Variants in PARP9 observed in about 807,000 individuals in gnomAD.
The protein encoded by PARP9 is poly(ADP-ribose) polymerase family member 9, also known as protein mono-ADP-ribosyltransferase PARP9.
Under a neutral mutation model 68.8 loss-of-function variants are expected in PARP9, and 48 were observed. The observed-to-expected ratio is 0.70, with a 90% confidence interval of 0.55 to 0.89. The LOEUF (loss-of-function observed/expected upper bound fraction) is 0.89, where lower values mean the gene tolerates loss of function less well. PARP9 is among the 40% of genes least tolerant of loss of function. PARP9 has a pLI of 0.00. For synonymous variants in PARP9, 309 were observed against 333.8 expected (o/e 0.93, Z 0.81); for missense variants, 806 against 969.3 (o/e 0.83, Z 2.24).
chr3:122,556,714 A>AC (rs765587259), intron 3 of PARP9, among the ~76,000 whole-genome samples: 130 of 152,292 alleles, frequency 8.5e-4, no homozygotes, highest in Non-Finnish European at 1.7e-3. Flanking sequence ...AAGCACGTGT[A>AC]ACTAGGCAGA....
intron 7 of PARP9, among the ~76,000 whole-genome samples, chr3:122,544,070 C>T (rs2078492259): frequency 6.6e-6 from 1 of 152,172 alleles, no homozygotes; most frequent in African/African-American, 2.4e-5. Flanking sequence ...TCACCTAAAA[C>T]TCCTCTTATG....
intron 7 of PARP9, among the ~76,000 whole-genome samples, chr3:122,544,229 C>G (rs527696352): frequency 6.6e-6 from 1 of 152,292 alleles, no homozygotes; most frequent in South Asian, 2.1e-4. Context: ...CCATCTCATT[C>G]ATGAAGCCAT....
chr3:122,528,771 GATT>G, intron 10 of PARP9, 28 bp from the exon 11 acceptor site: 2 of 1,511,914 alleles, frequency 1.3e-6, no homozygotes, highest in East Asian at 2.3e-5. Context: ...AAAATAAAAA[GATT>G]ATTATAATCT....
chr3:122,543,859 C>T (rs1045195107), intron 7 of PARP9, among the ~76,000 whole-genome samples: 3 of 152,162 alleles, frequency 2.0e-5, no homozygotes, highest in South Asian at 4.1e-4. Flanking sequence ...GATCCACCTG[C>T]CCTGGCCTCC....
At chr3:122,560,209 GTA>G (rs900846213) in intron 1 of PARP9, among the ~76,000 whole-genome samples, 2 of 152,130 alleles carry the variant, frequency 1.3e-5, no homozygotes, top group Non-Finnish European at 2.9e-5. Context: ...AATGATAGGG[GTA>G]TATCTGGTTA....
chr3:122,559,703 C>T lies in PARP9; in HGVS notation c.-83G>A. ...AGACTGTAGTTTCCAGATATGGTGGCCCACTTCTAGGAATGAATTAGAAAA... is the reference window on the plus strand; with the variant it reads ...AGACTGTAGTTTCCAGATATGGTGGTCCACTTCTAGGAATGAATTAGAAAA... On this transcript the variant is annotated 5_prime_UTR_variant, in exon 2 of 11. Coordinates refer to ENST00000682323, the MANE Select transcript of PARP9 (RefSeq NM_001146105.2). The T allele has an allele frequency of 2.2e-6, 3 of 1,363,938 alleles. No homozygotes were observed. Among genetic ancestry groups the T allele is most frequent in the Admixed American group, 2.4e-5 (1 of 41,646 alleles). The allele number at this position is 1,363,938 out of a possible 1,614,324, so 84.5% of individuals were successfully genotyped here.
chr3:122,529,737 C>T (rs1216153867), intron 10 of PARP9, among the ~76,000 whole-genome samples: 1 of 137,588 alleles, frequency 7.3e-6, no homozygotes, highest in African/African-American at 2.7e-5. Flanking sequence ...CTGGGCAACA[C>T]AGCGAGACTC....
At chr3:122,559,267 A>G (rs532125002) in intron 2 of PARP9, among the ~76,000 whole-genome samples, 1 of 152,252 alleles carries the variant, frequency 6.6e-6, no homozygotes, top group Non-Finnish European at 1.5e-5. Context: ...TTTCAAGTTT[A>G]GTAAGTGACT....
At chr3:122,529,758 A>C (rs1371624006) in intron 10 of PARP9, among the ~76,000 whole-genome samples, 1 of 151,348 alleles carries the variant, frequency 6.6e-6, no homozygotes, top group Non-Finnish European at 1.5e-5. Flanking sequence ...CGTCCCAAAA[A>C]AAAAAAAAAA....
chr3:122,561,207 A>C (rs6438740), intron 1 of PARP9, among the ~76,000 whole-genome samples: 81,790 of 152,044 alleles, frequency 0.54, 22,814 homozygotes, highest in East Asian at 0.79. Context: ...ACCTGTAACC[A>C]CAGCACTTTG....
chr3:122,535,498 T>C, intron 10 of PARP9: 5 of 985,382 alleles, frequency 5.1e-6, no homozygotes, highest in Non-Finnish European at 6.0e-6. Flanking sequence ...CTCTCCATAA[T>C]TTTTACTAAA....
intron 6 of PARP9, 63 bp from the exon 7 acceptor site, chr3:122,545,552 C>G: frequency 6.7e-7 from 1 of 1,496,424 alleles, no homozygotes; most frequent in Non-Finnish European, 9.3e-7. Context: ...TCATCAAAGT[C>G]TCCCTCTCTG....
intron 7 of PARP9, among the ~76,000 whole-genome samples, chr3:122,545,091 C>G (rs1357621304): frequency 2.0e-5 from 3 of 152,102 alleles, no homozygotes; most frequent in African/African-American, 7.2e-5. Context: ...ATAAGTAACC[C>G]TATTTAGATG....
At position 122,536,308 on chromosome 3, in the gene PARP9, G is replaced by T. The variant is rs201827620; in HGVS notation, c.1940C>A (p.Ala647Asp). ...EKIDNEVLMA[A>D]FQRKKKMMEE... ...CATCATTTTCTTCTTTCTTTGAAAG[G>T]CAGCCATAAGGACCTCATTGTCTAT... Residue 647 changes from alanine (A) to aspartate (D), a missense_variant, in exon 10 of 11, where the codon GCC becomes GAC. Coordinates refer to ENST00000682323, the MANE Select transcript of PARP9 (RefSeq NM_001146105.2). The T allele has an allele frequency of 6.2e-7, 1 of 1,613,804 alleles. No homozygotes were observed. The highest frequency in any genetic ancestry group is 1.7e-5 in the Admixed American group (1 of 60,024).
At chr3:122,528,799 C>T (rs1230121141) in intron 10 of PARP9, 56 bp from the exon 11 acceptor site, 3 of 1,413,210 alleles carry the variant, frequency 2.1e-6, no homozygotes, top group African/African-American at 2.9e-5. Context: ...AATGATATTG[C>T]CGATTTGGGT....
chr3:122,555,250 CT>C, intron 4 of PARP9, 35 bp downstream of exon 4: 1 of 1,544,508 alleles, frequency 6.5e-7, no homozygotes, highest in African/African-American at 1.4e-5. Context: ...CAGGGATCAC[CT>C]GTGCCAGTGC....
At chr3:122,564,468 G>T, upstream of PARP9, 1 of 1,612,570 alleles carries the variant, frequency 6.2e-7, no homozygotes, top group Non-Finnish European at 8.5e-7. Context: ...TCCTCGTGCG[G>T]GTGTACAAGT....
intron 1 of PARP9, among the ~76,000 whole-genome samples, chr3:122,561,930 C>T (rs1324376433): frequency 6.6e-6 from 1 of 152,120 alleles, no homozygotes; most frequent in South Asian, 2.1e-4. Context: ...CTCCATCCCA[C>T]CCCCACCAAA....
At chr3:122,538,064 C>T (rs955154213) in intron 8 of PARP9, among the ~76,000 whole-genome samples, 2 of 152,088 alleles carry the variant, frequency 1.3e-5, no homozygotes, top group Non-Finnish European at 2.9e-5. Flanking sequence ...AAGCAGGTGA[C>T]GAATTGAGGG....
Sources: allele counts gnomAD v4.1 joint callset (sites outside exome capture counted in the v4.1 genomes callset), GRCh38; gene constraint gnomAD v4.1.1; transcripts MANE v1.5; gene names NCBI Gene and HGNC (gene_info 2026-07-23, HGNC 2026-07-21).